The following PIGU variants were observed in gnomAD, a reference collection of about 807,000 sequenced individuals.
PIGU encodes GPI-anchor transamidase component PIGU.
In PIGU, 24 loss-of-function variants were observed where a neutral mutation model predicts 49.9. The observed-to-expected ratio is 0.48, with a 90% CI of 0.35 to 0.68. The LOEUF (loss-of-function observed/expected upper bound fraction) is 0.68. Ranked by LOEUF, PIGU falls within the 30% of genes least tolerant of loss-of-function variation. The probability of loss-of-function intolerance (pLI) is 0.01; values close to 1 mark genes in which losing one functional copy is unlikely to be tolerated. For missense variants in PIGU, 490 were observed against 532.6 expected, an observed-to-expected ratio of 0.92 and a Z score of 0.79; for synonymous variants, 220 against 205.7, an observed-to-expected ratio of 1.07 and a Z score of -0.59.
intron 1 of PIGU, among the ~76,000 whole-genome samples, chr20:34,673,240 T>C (rs1312157215): frequency 1.2e-4 from 15 of 123,660 alleles, no homozygotes; most frequent in Middle Eastern, 5.4e-3. Context: ...GGTGACAGAG[T>C]GAGACTCCGT....
chr20:34,609,869 C>T lies in PIGU; in HGVS notation c.627+6173G>A, dbSNP rs185825592. The stretch of plus-strand genomic sequence containing the variant: ...TAATTGAATCATGGGGATGGTTACC[C>T]CCAATGCTGCTGTTCTCCTGATAGT... On this transcript the variant is annotated intron_variant, in intron 7 of 11. Transcript: ENST00000217446. Among the ~76,000 whole-genome samples, 21 of 152,206 alleles carry T rather than the reference C, an allele frequency of 1.4e-4. No individual in the cohort carries two copies. In the East Asian group the frequency reaches 3.5e-3, roughly 25 times the overall value.
chr20:34,644,246 T>C lies in PIGU; in HGVS notation c.256-20A>G, dbSNP rs375710213. The C allele has an allele frequency of 2.4e-5, 38 of 1,579,772 alleles. No homozygotes were observed. The African/African-American group carries it at 4.5e-4, about 19-fold the overall frequency. On this transcript the variant is annotated intron_variant, in intron 3 of 11. Coordinates refer to ENST00000217446, the MANE Select transcript of PIGU (RefSeq NM_080476.5). ...AGTTATCTGTCAAAAGAAAGAGAAA[T>C]AATAGGAAATGGAACACAGTAAGTG...
At chr20:34,572,568 T>G (rs1169247707) in intron 11 of PIGU, among the ~76,000 whole-genome samples, 1 of 152,074 alleles carries the variant, frequency 6.6e-6, no homozygotes, top group African/African-American at 2.4e-5. Flanking sequence ...GTGAGAGAAT[T>G]GCTTGAACCC....
At chr20:34,671,786 G>A (rs1202482934) in intron 1 of PIGU, among the ~76,000 whole-genome samples, 1 of 151,924 alleles carries the variant, frequency 6.6e-6, no homozygotes, top group Non-Finnish European at 1.5e-5. Flanking sequence ...AGGTGTGGTG[G>A]CTCATGCCTG....
At chr20:34,570,367 G>A (rs936105969) in intron 11 of PIGU, among the ~76,000 whole-genome samples, 6 of 152,158 alleles carry the variant, frequency 3.9e-5, no homozygotes, top group African/African-American at 9.7e-5. Context: ...TAGGGATCAC[G>A]TGGGGCCAGC....
intron 2 of PIGU, among the ~76,000 whole-genome samples, chr20:34,645,798 G>A (rs148165259): frequency 0.011 from 1,691 of 152,276 alleles, 42 homozygotes; most frequent in African/African-American, 0.039. Context: ...TAGGGAGGCT[G>A]AGGCAGAAGA....
intron 7 of PIGU, among the ~76,000 whole-genome samples, chr20:34,592,747 T>C (rs1984042621): frequency 6.6e-6 from 1 of 152,170 alleles, no homozygotes; most frequent in African/African-American, 2.4e-5. Context: ...GAGAATATAT[T>C]GGATAATGTT....
At chr20:34,580,424 C>T (rs1444626017) in intron 10 of PIGU, among the ~76,000 whole-genome samples, 1 of 152,082 alleles carries the variant, frequency 6.6e-6, no homozygotes. Context: ...CCACTGTTTA[C>T]CTTCACTCAG....
chr20:34,634,562 A>C, intron 6 of PIGU, 53 bp downstream of exon 6: 2 of 1,546,794 alleles, frequency 1.3e-6, no homozygotes, highest in South Asian at 1.3e-5. Flanking sequence ...AAGTGTTGCA[A>C]AATCTTGCAT....
chr20:34,611,983 A>G (rs1270991489), intron 7 of PIGU, among the ~76,000 whole-genome samples: 1 of 152,208 alleles, frequency 6.6e-6, no homozygotes, highest in African/African-American at 2.4e-5. Flanking sequence ...CAGAAATACC[A>G]TTTGACCCAG....
At chr20:34,641,623 T>C (rs1202328332) in intron 4 of PIGU, among the ~76,000 whole-genome samples, 1 of 152,182 alleles carries the variant, frequency 6.6e-6, no homozygotes, top group Non-Finnish European at 1.5e-5. Context: ...GTCCCCTCTC[T>C]GCCCTATAGT....
chr20:34,655,525 T>C lies in PIGU; in HGVS notation c.195+1655A>G, dbSNP rs1273820134. 1.7e-5 allele frequency among the ~76,000 whole-genome samples: 2 copies of C among 119,032 alleles called. 1 individual carries two copies. Among genetic ancestry groups the C allele is most frequent in the African/African-American group, 6.2e-5 (2 of 32,238 alleles). The allele number at this position is 119,032 out of a possible 152,430, so 78.1% of individuals were successfully genotyped here. A position where few individuals can be genotyped will look rare whatever the true frequency, so the allele number is the denominator to read the frequency against. On this transcript the variant is annotated intron_variant, in intron 2 of 11. Coordinates refer to ENST00000217446, the MANE Select transcript of PIGU (RefSeq NM_080476.5). ...TCTCTACTAAAAACACAAAAAAAAA[T>C]TAGCCAGGCATAGTCACGGGCACCT...
intron 1 of PIGU, among the ~76,000 whole-genome samples, chr20:34,660,047 A>AT (rs60972041): frequency 0.34 from 42,744 of 125,702 alleles, 7,631 homozygotes; most frequent in Admixed American, 0.5. Context: ...AGAATGATCA[A>AT]TAAAAAAAAA....
Position 34,560,657 on chromosome 20 carries a change from G to A in PIGU, c.*209C>T, listed in dbSNP as rs1982443625. The A allele has an allele frequency of 6.5e-6, 3 of 460,610 alleles. No homozygotes were observed. The highest frequency in any genetic ancestry group is 8.7e-5 in the South Asian group (2 of 22,938). The allele number at this position is 460,610 out of a possible 1,614,324, so 28.5% of individuals were successfully genotyped here. ...TCCTTGGTGTGCAGAGCCACAAGGTGGGGGTCCAAGTTGGGGAGCTCCCAG... is the reference window on the plus strand; with the variant it reads ...TCCTTGGTGTGCAGAGCCACAAGGTAGGGGTCCAAGTTGGGGAGCTCCCAG... On this transcript the variant is annotated 3_prime_UTR_variant, in exon 12 of 12. Transcript: ENST00000217446.
chr20:34,650,207 C>G (rs200782741), intron 2 of PIGU, among the ~76,000 whole-genome samples: 1 of 152,050 alleles, frequency 6.6e-6, no homozygotes, highest in South Asian at 2.1e-4. Context: ...TCATTTTTTA[C>G]ATACCCTGGT....
chr20:34,675,440 C>T (rs144847259), intron 1 of PIGU, among the ~76,000 whole-genome samples: 23 of 152,102 alleles, frequency 1.5e-4, no homozygotes, highest in Non-Finnish European at 2.6e-4. Context: ...AAAAATAATA[C>T]GCAGAGGTAA....
chr20:34,646,559 C>A (rs528650303), intron 2 of PIGU, among the ~76,000 whole-genome samples: 28 of 151,988 alleles, frequency 1.8e-4, no homozygotes, highest in African/African-American at 6.5e-4. Context: ...CAGGCGCCTG[C>A]CACCACGCCC....
chr20:34,654,682 T>C (rs1177963257), intron 2 of PIGU, among the ~76,000 whole-genome samples: 1 of 119,498 alleles, frequency 8.4e-6, no homozygotes, highest in Non-Finnish European at 1.8e-5. Flanking sequence ...AAAAAACTGT[T>C]CTCAAAGTAC....
At chr20:34,636,260 C>G (rs903666246) in intron 5 of PIGU, among the ~76,000 whole-genome samples, 2 of 149,810 alleles carry the variant, frequency 1.3e-5, no homozygotes, top group Non-Finnish European at 3.0e-5. Flanking sequence ...AATAAAGAAT[C>G]GGCCAGGAGC....
Sources: gnomAD v4.1 joint callset for allele counts (sites outside exome capture counted in the v4.1 genomes callset) on GRCh38, gnomAD v4.1.1 for gene constraint, MANE v1.5 for transcripts, NCBI Gene and HGNC (gene_info 2026-07-23, HGNC 2026-07-21) for gene names.